EPHA2: variants seen among roughly 807,000 people sequenced by gnomAD.
EPHA2 encodes the protein EPH receptor A2.
Under a neutral mutation model 104.9 loss-of-function variants are expected in EPHA2, and 54 were observed. The ratio of observed to expected loss-of-function variants is 0.51; its 90% CI spans 0.41 to 0.65. The LOEUF (loss-of-function observed/expected upper bound fraction) is 0.65, where lower values mean the gene tolerates loss of function less well. EPHA2 is among the 30% of genes least tolerant of loss of function. The pLI, the probability that EPHA2 is intolerant of heterozygous loss-of-function variation, is 0.00. For missense variants in EPHA2, 1,117 were observed against 1,369.5 expected (o/e 0.82, Z 2.91); for synonymous variants, 560 against 559.1 (o/e 1.00, Z -0.02).
In EPHA2 at chr1:16,129,345, G is replaced by A. The variant is rs2024528868; in HGVS notation, c.2825+89C>T. On this transcript the variant is annotated intron_variant, in intron 16 of 16. Coordinates refer to ENST00000358432, the MANE Select transcript of EPHA2 (RefSeq NM_004431.5). Reference sequence around the variant, plus strand: ...AAAGAACAAAGAGAGGAGCATTGAGGGGCAGGGAAGAGGGCTGGGGGGGGC... The same window carrying A: ...AAAGAACAAAGAGAGGAGCATTGAGAGGCAGGGAAGAGGGCTGGGGGGGGC... 2.1e-6 allele frequency: 3 copies of A among 1,461,734 alleles called. No individual in the cohort carries two copies. The East Asian group carries it at 6.8e-5, about 33-fold the overall frequency. The allele number at this position is 1,461,734 out of a possible 1,614,324, so 90.5% of individuals were successfully genotyped here.
In EPHA2 at chr1:16,134,915, G is replaced by C. The variant is rs2024652019; in HGVS notation, c.1582+121C>G. ...GGGCAGTCCCCGAAGGGCTGTCCCA[G>C]GCCGCCGGTGACCGAGAAAGGGGCA... On this transcript the variant is annotated intron_variant, in intron 7 of 16. Transcript: ENST00000358432. This position sits in a 1 kb window ranked among gnomAD's most constrained non-coding sequence, Gnocchi z 4.5. 3 of 1,505,916 alleles carry C rather than the reference G, an allele frequency of 2.0e-6. No individual in the cohort carries two copies. Among genetic ancestry groups the C allele is most frequent in the Non-Finnish European group, 2.7e-6 (3 of 1,112,336 alleles). The allele number at this position is 1,505,916 out of a possible 1,614,324, so 93.3% of individuals were successfully genotyped here.
At chr1:16,142,717 G>T (rs1191905530) in intron 3 of EPHA2, among the ~76,000 whole-genome samples, 1 of 150,168 alleles carries the variant, frequency 6.7e-6, no homozygotes, top group Non-Finnish European at 1.5e-5. Context: ...TGGTTGGATG[G>T]ATGGATGTAT....
chr1:16,151,248 C>G (rs1250833284), intron 1 of EPHA2, among the ~76,000 whole-genome samples: 1 of 152,208 alleles, frequency 6.6e-6, no homozygotes, highest in Non-Finnish European at 1.5e-5. Context: ...CTCCGTTAGT[C>G]CCCAGCTGGG....
Position 16,131,776 on chromosome 1 carries a change from A to C in EPHA2, c.2420T>G (p.Met807Arg). The C allele has an allele frequency of 6.2e-7, 1 of 1,614,110 alleles. No individual in the cohort carries two copies. The highest frequency in any genetic ancestry group is 8.5e-7 in the Non-Finnish European group (1 of 1,180,024). The change falls in exon 14 of 17, where the codon ATG becomes AGG. Residue 807 changes from methionine (M) to arginine (R), a missense_variant. Physicochemically the swap from Met to Arg is moderately conservative, Grantham distance 91 (BLOSUM62 -1). Transcript: ENST00000358432. The surrounding 1 kb of genome is among the most constrained non-coding windows in gnomAD (Gnocchi z 5.2). ...CTCGCCATAGGTCATCACCTCCCACATGACAATGCCAAAGCTCCACACGTC... is the reference window on the plus strand; with the variant it reads ...CTCGCCATAGGTCATCACCTCCCACCTGACAATGCCAAAGCTCCACACGTC... ...ASDVWSFGIV[M>R]WEVMTYGERP...
intron 16 of EPHA2, among the ~76,000 whole-genome samples, chr1:16,126,176 C>G (rs374976982): frequency 2.6e-5 from 4 of 152,176 alleles, no homozygotes; most frequent in African/African-American, 9.7e-5. Flanking sequence ...TTCCCACCCC[C>G]ACAGGGTACA....
rs763307879 is a variant in EPHA2 at position 16,132,431 on chromosome 1, T to C, written c.2062A>G (p.Met688Val). ...LEGVISKYKP[M>V]MIITEYMENG... ...TCCATGTACTCAGTGATGATCATCA[T>C]GGGCTTGTCTGTAGGGGGGTGGGCA... Residue 688 changes from methionine (M) to valine (V), a missense_variant, in exon 12 of 17, where the codon ATG becomes GTG. Coordinates refer to ENST00000358432, the MANE Select transcript of EPHA2 (RefSeq NM_004431.5). 6.2e-6 allele frequency: 10 copies of C among 1,613,856 alleles called. No homozygotes were observed. Among genetic ancestry groups the C allele is most frequent in the South Asian group, 1.1e-5 (1 of 91,068 alleles).
At chr1:16,137,043 G>A (rs1034374865) in intron 5 of EPHA2, among the ~76,000 whole-genome samples, 2 of 151,738 alleles carry the variant, frequency 1.3e-5, no homozygotes, top group Non-Finnish European at 2.9e-5. Flanking sequence ...CAGGTGATCT[G>A]CCCACCTCAG....
At chr1:16,155,710 C>A in intron 1 of EPHA2, 138 bp downstream of exon 1, 7 of 644,648 alleles carry the variant, frequency 1.1e-5, no homozygotes, top group Non-Finnish European at 1.6e-5. Context: ...CGATCGCAGC[C>A]CGTGCGCCCT....
At position 16,143,282 on chromosome 1, in the gene EPHA2, G is replaced by C. The variant is rs868865046; in HGVS notation, c.824-4852C>G. ...CAGGTGGATGGAAGAGTGAGTGGGA[G>C]AGAGAATGGGTGGCAAACCTACCAT... is the stretch of plus-strand genomic sequence containing the variant. On this transcript the variant is annotated intron_variant, in intron 3 of 16. Transcript: ENST00000358432. 9.2e-5 allele frequency among the ~76,000 whole-genome samples: 14 copies of C among 152,164 alleles called. No homozygotes were observed. The Middle Eastern group carries it at 0.02, about 222-fold the overall frequency.
intron 3 of EPHA2, among the ~76,000 whole-genome samples, chr1:16,147,590 C>T (rs978910501): frequency 6.6e-5 from 10 of 151,816 alleles, no homozygotes; most frequent in African/African-American, 7.3e-5. Flanking sequence ...AGTATACATT[C>T]GTGGGATGAA....
At chr1:16,127,474 C>A (rs1192784800) in intron 16 of EPHA2, among the ~76,000 whole-genome samples, 1 of 152,048 alleles carries the variant, frequency 6.6e-6, no homozygotes, top group Non-Finnish European at 1.5e-5. Flanking sequence ...GGGGACCAGG[C>A]AGCTGGTCCC....
intron 16 of EPHA2, 33 bp downstream of exon 16, chr1:16,129,401 A>C: frequency 6.3e-7 from 1 of 1,596,378 alleles, no homozygotes. Flanking sequence ...GGGAGGCGGG[A>C]GGCGAGGGGG....
intron 3 of EPHA2, 44 bp from the exon 4 acceptor site, chr1:16,138,474 T>A (rs1248214020): frequency 6.2e-7 from 1 of 1,612,296 alleles, no homozygotes. Flanking sequence ...ATCAGTTCAA[T>A]CTGCTTCCAC....
chr1:16,129,780 G>A (rs1273827252), intron 15 of EPHA2, among the ~76,000 whole-genome samples, 191 bp from the exon 16 acceptor site: 1 of 152,176 alleles, frequency 6.6e-6, no homozygotes, highest in Admixed American at 6.5e-5. Context: ...CTCAGCATCT[G>A]TAACTACTGC....
At position 16,134,990 on chromosome 1, in the gene EPHA2, G is replaced by A; in HGVS notation, c.1582+46C>T. ...CTTTCCCAAGATGTCTCAATTGCTT[G>A]GTTCTGGGCCCTGGCCTGGTCCATG... On this transcript the variant is annotated intron_variant, in intron 7 of 16. Coordinates refer to ENST00000358432, the MANE Select transcript of EPHA2 (RefSeq NM_004431.5). The surrounding 1 kb of genome is among the most constrained non-coding windows in gnomAD (Gnocchi z 4.5). 6.2e-7 allele frequency: 1 copy of A among 1,604,006 alleles called. No individual in the cohort carries two copies. Among genetic ancestry groups the A allele is most frequent in the South Asian group, 1.1e-5 (1 of 90,818 alleles).
Position 16,148,591 on chromosome 1 carries a change from G to T in EPHA2, c.610C>A (p.Leu204Met). The T allele has an allele frequency of 1.9e-6, 3 of 1,610,562 alleles. No individual in the cohort carries two copies. The highest frequency in any genetic ancestry group is 2.5e-6 in the Non-Finnish European group (3 of 1,179,988). Reference sequence around the variant, plus strand: ...GGGAAGTGGGCCAGGCCCTGCAGCAGCTCGGGGCACTTCTTGTAGTAGACA... The same window carrying T: ...GGGAAGTGGGCCAGGCCCTGCAGCATCTCGGGGCACTTCTTGTAGTAGACA... ...VRVYYKKCPE[L>M]LQGLAHFPET... Residue 204 changes from leucine to methionine, a missense_variant, in exon 3 of 17, where the codon CTG becomes ATG. By Grantham distance (15) the Leu-to-Met change is conservative. Coordinates refer to ENST00000358432, the MANE Select transcript of EPHA2 (RefSeq NM_004431.5). This position sits in a 1 kb window ranked among gnomAD's most constrained non-coding sequence, Gnocchi z 4.9.
In EPHA2 at chr1:16,133,322, C is replaced by G. The variant is rs1223256632; in HGVS notation, c.1911G>C (p.Gly637=). 1 of 1,613,874 alleles carries G rather than the reference C, an allele frequency of 6.2e-7. No homozygotes were observed. Among genetic ancestry groups the G allele is most frequent in the Admixed American group, 1.7e-5 (1 of 60,016 alleles). ...TGATGGCCACCGGCACCTCCTTCTT[C>G]CCCGAGGATGTCTTCAGCATGCCCT... ...VYKGMLKTSS[G]KKEVPVAIKT... is the part of the protein sequence containing the mutation. Residue 637 remains glycine (G), a synonymous_variant, in exon 11 of 17, where the codon GGG becomes GGC. Transcript: ENST00000358432.
rs1199039816 is a variant in EPHA2, at chr1:16,128,890, A to G, written c.2825+544T>C. Among the ~76,000 whole-genome samples the G allele has an allele frequency of 6.6e-6, 1 of 151,878 alleles. No homozygotes were observed. Among genetic ancestry groups the G allele is most frequent in the Non-Finnish European group, 1.5e-5 (1 of 67,962 alleles). Reference sequence around the variant, plus strand: ...CTGGGCAGCAGTCAGGGCATCTTGGAGAAGACTGCCCCAAACTGGCTGTGT... The same window carrying G: ...CTGGGCAGCAGTCAGGGCATCTTGGGGAAGACTGCCCCAAACTGGCTGTGT... On this transcript the variant is annotated intron_variant, in intron 16 of 16. Coordinates refer to ENST00000358432, the MANE Select transcript of EPHA2 (RefSeq NM_004431.5). The surrounding 1 kb of genome is among the most constrained non-coding windows in gnomAD (Gnocchi z 4.7).
chr1:16,142,604 T>A (rs540762160), intron 3 of EPHA2, among the ~76,000 whole-genome samples: 8 of 138,570 alleles, frequency 5.8e-5, no homozygotes, highest in African/African-American at 2.2e-4. Context: ...AGTGGGTGGA[T>A]GAATGGACAG....
Sources: gnomAD v4.1 joint callset for allele counts (sites outside exome capture counted in the v4.1 genomes callset) on GRCh38, gnomAD v4.1.1 for gene constraint, Gnocchi (gnomAD v3.1) non-coding constraint, MANE v1.5 for transcripts, NCBI Gene and HGNC (gene_info 2026-07-23, HGNC 2026-07-21) for gene names.